The following PARD3B variants were observed in gnomAD, a reference collection of about 807,000 sequenced individuals.
The protein encoded by PARD3B is par-3 family cell polarity regulator beta.
Under a neutral mutation model 130.2 loss-of-function variants are expected in PARD3B, and 103 were observed. The ratio of observed to expected loss-of-function variants is 0.79; its 90% CI spans 0.67 to 0.93. PARD3B has a LOEUF of 0.93. Among genes scored for constraint, PARD3B ranks in the 40% least tolerant of loss-of-function variants. The pLI is 0.00. For missense variants in PARD3B, 1,609 were observed against 1,499.2 expected, an observed-to-expected ratio of 1.07 and a Z score of -1.21; for synonymous variants, 583 against 553.2, an observed-to-expected ratio of 1.05 and a Z score of -0.76.
At chr2:205,582,334 C>G (rs949796230) in intron 22 of PARD3B, among the ~76,000 whole-genome samples, 1 of 151,964 alleles carries the variant, frequency 6.6e-6, no homozygotes, top group Admixed American at 6.6e-5. Context: ...TGAGAAATAA[C>G]GAACGGAAAC....
intron 4 of PARD3B, among the ~76,000 whole-genome samples, chr2:205,098,311 G>T (rs1041331488): frequency 6.6e-6 from 1 of 152,076 alleles, no homozygotes; most frequent in South Asian, 2.1e-4. Context: ...TAATTCAGCT[G>T]CAGTTAAATT....
intron 20 of PARD3B, among the ~76,000 whole-genome samples, chr2:205,497,678 C>A (rs1315661169): frequency 3.9e-5 from 6 of 151,996 alleles, no homozygotes; most frequent in Admixed American, 2.6e-4. Flanking sequence ...AATACTCACA[C>A]AAGAGAGAAG....
chr2:205,027,863 T>A (rs931410165), intron 3 of PARD3B, among the ~76,000 whole-genome samples: 1 of 152,142 alleles, frequency 6.6e-6, no homozygotes, highest in African/African-American at 2.4e-5. Context: ...TGTCAAAGAT[T>A]AGTTGACCAT....
At chr2:205,037,190 AATAT>A (rs1299936252) in intron 3 of PARD3B, among the ~76,000 whole-genome samples, 2 of 147,204 alleles carry the variant, frequency 1.4e-5, no homozygotes, top group Admixed American at 1.4e-4. Context: ...ATATAAAACA[AATAT>A]ATATATAGCG....
chr2:204,563,062 C>G (rs2031420961), intron 1 of PARD3B, among the ~76,000 whole-genome samples: 1 of 152,112 alleles, frequency 6.6e-6, no homozygotes, highest in Non-Finnish European at 1.5e-5. Context: ...TCTGTAGATT[C>G]AAATTTAAGG....
intron 3 of PARD3B, among the ~76,000 whole-genome samples, chr2:204,983,525 G>A (rs1692868571): frequency 6.6e-6 from 1 of 152,156 alleles, no homozygotes; most frequent in African/African-American, 2.4e-5. Flanking sequence ...AGTTCAGCCT[G>A]TGTGGAGGAA....
chr2:205,019,471 CAT>C (rs140827788), intron 3 of PARD3B, among the ~76,000 whole-genome samples: 11,518 of 152,214 alleles, frequency 0.076, 550 homozygotes, highest in Non-Finnish European at 0.098. Flanking sequence ...TGCATGTACA[CAT>C]GTTTTGATTT....
At chr2:204,966,381 C>T (rs775358587) in intron 3 of PARD3B, among the ~76,000 whole-genome samples, 1 of 152,154 alleles carries the variant, frequency 6.6e-6, no homozygotes, top group Non-Finnish European at 1.5e-5. Flanking sequence ...TCTGCTGGAA[C>T]GTGGCTGCTG....
At chr2:204,681,746 C>T (rs1235695744) in intron 1 of PARD3B, among the ~76,000 whole-genome samples, 2 of 152,134 alleles carry the variant, frequency 1.3e-5, no homozygotes, top group Admixed American at 1.3e-4. Flanking sequence ...GCTCTGTCAC[C>T]TTCTCCTTCC....
intron 2 of PARD3B, among the ~76,000 whole-genome samples, chr2:204,743,577 A>G (rs2040098460): frequency 6.6e-6 from 1 of 152,194 alleles, no homozygotes; most frequent in Admixed American, 6.6e-5. Flanking sequence ...AAAAAATGGC[A>G]AGAACTTCAG....
At chr2:205,149,219 T>C (rs1476200255) in intron 10 of PARD3B, among the ~76,000 whole-genome samples, 1 of 152,194 alleles carries the variant, frequency 6.6e-6, no homozygotes. Context: ...ATGGTTAGTA[T>C]ATCTAGCGAG....
At position 204,927,296 on chromosome 2, in the gene PARD3B, A is replaced by T. The variant is rs557016576; in HGVS notation, c.223-37856A>T. ...GGAGGTGATTAAGTCATGAGGGCAA[A>T]GCCCTCATGAATAGGATTAGTGCCC... On this transcript the variant is annotated intron_variant, in intron 2 of 22. Transcript: ENST00000406610. 6.6e-5 allele frequency among the ~76,000 whole-genome samples: 10 copies of T among 152,188 alleles called. No individual in the cohort carries two copies. In the East Asian group the frequency reaches 1.9e-3, roughly 30 times the overall value.
chr2:204,562,289 A>G (rs1405691057), intron 1 of PARD3B, among the ~76,000 whole-genome samples: 6 of 152,204 alleles, frequency 3.9e-5, no homozygotes, highest in East Asian at 3.9e-4. Flanking sequence ...CATCAGATCA[A>G]GTGACTCAGA....
chr2:204,725,263 T>G (rs1176981188), intron 2 of PARD3B, among the ~76,000 whole-genome samples: 1 of 152,200 alleles, frequency 6.6e-6, no homozygotes, highest in African/African-American at 2.4e-5. Context: ...AGGAGAATGT[T>G]AGAGAATAAG....
chr2:205,086,821 T>C (rs774017403), intron 4 of PARD3B, among the ~76,000 whole-genome samples: 55 of 152,200 alleles, frequency 3.6e-4, no homozygotes, highest in Non-Finnish European at 6.0e-4. Flanking sequence ...TGGGTGTGAC[T>C]CATCTGCATA....
chr2:205,415,315 T>C (rs1258912224), intron 19 of PARD3B, among the ~76,000 whole-genome samples: 1 of 152,168 alleles, frequency 6.6e-6, no homozygotes, highest in Non-Finnish European at 1.5e-5. Flanking sequence ...CCAATAATTA[T>C]AGATTTACCT....
chr2:204,918,920 G>A (rs73053158), intron 2 of PARD3B, among the ~76,000 whole-genome samples: 2,769 of 150,062 alleles, frequency 0.018, 79 homozygotes, highest in African/African-American at 0.062. Context: ...CACCATCCTT[G>A]GTCCCATTAT....
At chr2:205,603,447 G>A (rs2054868958) in intron 22 of PARD3B, among the ~76,000 whole-genome samples, 1 of 152,038 alleles carries the variant, frequency 6.6e-6, no homozygotes, top group Admixed American at 6.6e-5. Context: ...ATTGACAATG[G>A]GTTGTTAAAG....
At chr2:204,972,453 T>C (rs778108452) in intron 3 of PARD3B, among the ~76,000 whole-genome samples, 47 of 152,210 alleles carry the variant, frequency 3.1e-4, no homozygotes, top group Non-Finnish European at 6.2e-4. Flanking sequence ...AGTTAACTTT[T>C]GTATTTTAGT....
Sources: gnomAD v4.1 joint callset for allele counts (sites outside exome capture counted in the v4.1 genomes callset) on GRCh38, gnomAD v4.1.1 for gene constraint, MANE v1.5 for transcripts, NCBI Gene and HGNC (gene_info 2026-07-23, HGNC 2026-07-21) for gene names.